Variants in PALM2AKAP2 observed in about 807,000 individuals in gnomAD.
The protein encoded by PALM2AKAP2 is PALM2 and AKAP2 fusion.
Under a neutral mutation model 71.5 loss-of-function variants are expected in PALM2AKAP2, and 37 were observed. The ratio of observed to expected loss-of-function variants is 0.52; its 90% CI spans 0.40 to 0.68. The LOEUF is 0.68. Ranked by LOEUF, PALM2AKAP2 falls within the 30% of genes least tolerant of loss-of-function variation. The pLI, the probability that PALM2AKAP2 is intolerant of heterozygous loss-of-function variation, is 0.00. For synonymous variants in PALM2AKAP2, 468 were observed against 478.8 expected (o/e 0.98, Z 0.29); for missense variants, 1,224 against 1,191.8 (o/e 1.03, Z -0.40).
At chr9:110,121,685 T>C (rs1215438729) in intron 1 of PALM2AKAP2, among the ~76,000 whole-genome samples, 1 of 152,120 alleles carries the variant, frequency 6.6e-6, no homozygotes, top group African/African-American at 2.4e-5. Flanking sequence ...AATGGGAAAG[T>C]TACATTTAGC....
intron 1 of PALM2AKAP2, among the ~76,000 whole-genome samples, chr9:109,772,688 C>A (rs1829287191): frequency 6.6e-6 from 1 of 152,184 alleles, no homozygotes; most frequent in African/African-American, 2.4e-5. Flanking sequence ...TGAATGAGAG[C>A]CCCAGGTGGT....
In PALM2AKAP2 at chr9:110,087,263, A is replaced by T. The variant is rs555814187; in HGVS notation, c.156+38408A>T. On this transcript the variant is annotated intron_variant, in intron 1 of 3. Transcript: ENST00000374525. ...CCCTTTTGTGCTCTCCATCAAGAGC[A>T]TCACAGAACTAATGCATCATCTTAA... Among the ~76,000 whole-genome samples the T allele has an allele frequency of 4.6e-5, 7 of 152,366 alleles. No homozygotes were observed. In the South Asian group the frequency reaches 1.4e-3, roughly 32 times the overall value.
At chr9:109,847,512 T>A (rs984352567) in intron 1 of PALM2AKAP2, 4 of 152,144 alleles carry the variant, frequency 2.6e-5, no homozygotes, top group Non-Finnish European at 5.9e-5. Flanking sequence ...GAGGCCAAGG[T>A]GGGCAGATCA....
intron 1 of PALM2AKAP2, among the ~76,000 whole-genome samples, chr9:109,837,927 A>G (rs547247708): frequency 6.6e-6 from 1 of 152,282 alleles, no homozygotes; most frequent in African/African-American, 2.4e-5. Context: ...CACAATAATA[A>G]TGGGAGACTT....
intron 1 of PALM2AKAP2, among the ~76,000 whole-genome samples, chr9:109,733,196 G>A (rs528837323): frequency 6.6e-6 from 1 of 152,310 alleles, no homozygotes; most frequent in Non-Finnish European, 1.5e-5. Flanking sequence ...GATGCATCCT[G>A]GAAAGGGGTT....
chr9:109,810,152 C>A (rs1827690156), intron 1 of PALM2AKAP2, among the ~76,000 whole-genome samples: 1 of 152,132 alleles, frequency 6.6e-6, no homozygotes, highest in South Asian at 2.1e-4. Context: ...CCATAGCATG[C>A]AGATAAATTT....
rs904046770 is a variant in PALM2AKAP2 at position 110,031,399 on chromosome 9, G to A, written c.582+15360G>A. Among the ~76,000 whole-genome samples the A allele has an allele frequency of 7.9e-5, 12 of 152,090 alleles. No homozygotes were observed. In the South Asian group the frequency reaches 1.5e-3, roughly 18 times the overall value. The stretch of plus-strand genomic sequence containing the variant: ...CCCACCTCAGCTTCCCAATGTGCTG[G>A]GATTACAGGTGTGAGCCACTGCACC... On this transcript the variant is annotated intron_variant, in intron 7 of 9. Coordinates refer to the PALM2AKAP2 transcript ENST00000302798.
At chr9:109,774,009 G>C (rs1587903338) in intron 1 of PALM2AKAP2, among the ~76,000 whole-genome samples, 1 of 152,340 alleles carries the variant, frequency 6.6e-6, no homozygotes, top group African/African-American at 2.4e-5. Flanking sequence ...AGCCAGCAGG[G>C]TGGACAGGAT....
At chr9:110,159,124 A>G (rs1254107661) in intron 3 of PALM2AKAP2, among the ~76,000 whole-genome samples, 1 of 152,200 alleles carries the variant, frequency 6.6e-6, no homozygotes, top group Admixed American at 6.5e-5. Flanking sequence ...AAGGATAGTA[A>G]TAGAGAGCAG....
intron 6 of PALM2AKAP2, among the ~76,000 whole-genome samples, chr9:110,011,960 T>G (rs531512565): frequency 1.3e-5 from 2 of 152,344 alleles, no homozygotes; most frequent in South Asian, 4.1e-4. Context: ...CACAGCATAA[T>G]AAATACTTTA....
chr9:109,654,451 G>C (rs1827267327), intron 1 of PALM2AKAP2, among the ~76,000 whole-genome samples: 1 of 152,150 alleles, frequency 6.6e-6, no homozygotes, highest in Non-Finnish European at 1.5e-5. Context: ...ATGCATATTT[G>C]TTAATTAGAC....
intron 1 of PALM2AKAP2, among the ~76,000 whole-genome samples, chr9:109,742,181 A>G (rs936351028): frequency 6.6e-6 from 1 of 151,348 alleles, no homozygotes. Flanking sequence ...TAGCCTGTGG[A>G]TGTACTCATT....
In PALM2AKAP2 at chr9:109,902,325, T is replaced by C. The variant is rs1490239170; in HGVS notation, c.258-21410T>C. ...TCTATAGCACCCTTTCATCTTTCTC[T>C]CCTTACAGCATCAGAGAGCTTGTCC... On this transcript the variant is annotated intron_variant, in intron 3 of 9. Coordinates refer to the PALM2AKAP2 transcript ENST00000302798. 1.3e-5 allele frequency among the ~76,000 whole-genome samples: 2 copies of C among 152,228 alleles called. 1 individual carries two copies.
intron 1 of PALM2AKAP2, among the ~76,000 whole-genome samples, chr9:110,066,422 C>T (rs1032285578): frequency 3.3e-5 from 5 of 152,132 alleles, no homozygotes; most frequent in African/African-American, 7.2e-5. Context: ...AAAAGATGGG[C>T]GTGGTGATTC....
chr9:110,063,473 C>G (rs1399772479), intron 1 of PALM2AKAP2, among the ~76,000 whole-genome samples: 2 of 147,154 alleles, frequency 1.4e-5, no homozygotes, highest in Non-Finnish European at 3.0e-5. Context: ...GAGTTTCACT[C>G]TTGTCACCCA....
chr9:109,718,152 C>A (rs1828354553), intron 1 of PALM2AKAP2, among the ~76,000 whole-genome samples: 1 of 152,120 alleles, frequency 6.6e-6, no homozygotes. Flanking sequence ...ACGATCTTGG[C>A]TCACTGCAGC....
chr9:109,644,947 T>C (rs1827127385), intron 1 of PALM2AKAP2, among the ~76,000 whole-genome samples: 1 of 152,210 alleles, frequency 6.6e-6, no homozygotes. Context: ...TTCCGAACTT[T>C]CCCACATTTT....
intron 1 of PALM2AKAP2, among the ~76,000 whole-genome samples, chr9:109,849,425 C>T (rs1355577581): frequency 6.6e-6 from 1 of 152,138 alleles, no homozygotes; most frequent in Non-Finnish European, 1.5e-5. Flanking sequence ...ATTTTTCTTT[C>T]ACAAGTTGGT....
At chr9:109,717,101 G>A (rs1828336309) in intron 1 of PALM2AKAP2, among the ~76,000 whole-genome samples, 1 of 152,156 alleles carries the variant, frequency 6.6e-6, no homozygotes, top group Admixed American at 6.5e-5. Context: ...GCGCTGGCAA[G>A]TTAGGGTTAA....
Sources: allele counts gnomAD v4.1 joint callset (sites outside exome capture counted in the v4.1 genomes callset), GRCh38; gene constraint gnomAD v4.1.1; transcripts MANE v1.5; gene names NCBI Gene and HGNC (gene_info 2026-07-23, HGNC 2026-07-21).